Variants in PTPN5 observed in about 807,000 individuals in gnomAD.
The protein encoded by PTPN5 is protein tyrosine phosphatase non-receptor type 5, also known as tyrosine-protein phosphatase non-receptor type 5.
A neutral mutation model predicts 73.9 loss-of-function variants in PTPN5; 29 were observed. That is an observed-to-expected ratio of 0.39 (90% CI 0.29 to 0.54). The LOEUF is 0.54. Ranked by LOEUF, PTPN5 falls within the 20% of genes least tolerant of loss-of-function variation. PTPN5 has a pLI of 0.65. For missense variants in PTPN5, 652 were observed against 751.4 expected (o/e 0.87, Z 1.55); for synonymous variants, 267 against 304.7 (o/e 0.88, Z 1.29).
chr11:18,735,381 C>T (rs1273901547), intron 9 of PTPN5, among the ~76,000 whole-genome samples: 2 of 151,996 alleles, frequency 1.3e-5, no homozygotes, highest in Non-Finnish European at 2.9e-5. Flanking sequence ...GCAGGAAGCT[C>T]TGTATGGGCC....
chr11:18,755,256 G>A (rs1979049), intron 3 of PTPN5, among the ~76,000 whole-genome samples: 8 of 152,208 alleles, frequency 5.3e-5, no homozygotes, highest in African/African-American at 1.9e-4. Flanking sequence ...GGATTCTTCA[G>A]CCACAGTCGA....
chr11:18,775,207 C>T (rs1252809625), intron 1 of PTPN5, among the ~76,000 whole-genome samples: 2 of 152,252 alleles, frequency 1.3e-5, no homozygotes, highest in African/African-American at 4.8e-5. Flanking sequence ...GCCCACATTC[C>T]TAACCTCTCT....
intron 3 of PTPN5, among the ~76,000 whole-genome samples, chr11:18,751,529 T>C (rs994199798): frequency 1.3e-5 from 2 of 152,038 alleles, no homozygotes; most frequent in Non-Finnish European, 2.9e-5. Context: ...TGCTCATCAG[T>C]GAGCAACACG....
intron 1 of PTPN5, among the ~76,000 whole-genome samples, chr11:18,772,823 G>A: frequency 6.6e-6 from 1 of 152,070 alleles, no homozygotes; most frequent in East Asian, 1.9e-4. Flanking sequence ...GGGGGATGTA[G>A]GTAAGAAGAA....
chr11:18,757,931 C>T (rs2134274051), intron 3 of PTPN5, among the ~76,000 whole-genome samples: 1 of 152,296 alleles, frequency 6.6e-6, no homozygotes, highest in East Asian at 1.9e-4. Flanking sequence ...GGACTGCACA[C>T]AGCTGTGCTC....
chr11:18,746,882 AGGTCTCTG>A (rs1849667889), intron 3 of PTPN5, among the ~76,000 whole-genome samples: 1 of 152,198 alleles, frequency 6.6e-6, no homozygotes, highest in African/African-American at 2.4e-5. Context: ...TCAAGGGGCA[AGGTCTCTG>A]CCCACACACA....
At chr11:18,781,821 A>C (rs763475381) in intron 1 of PTPN5, among the ~76,000 whole-genome samples, 12 of 152,176 alleles carry the variant, frequency 7.9e-5, no homozygotes, top group Non-Finnish European at 1.6e-4. Flanking sequence ...GAAATGCATT[A>C]AAGGCCCACT....
intron 1 of PTPN5, among the ~76,000 whole-genome samples, chr11:18,786,640 T>G (rs561056764): frequency 2.2e-4 from 33 of 152,324 alleles, no homozygotes; most frequent in African/African-American, 7.7e-4. Context: ...GTTTCTACCT[T>G]CTACATATGA....
In PTPN5 at chr11:18,742,323, C is replaced by A; in HGVS notation, c.664G>T (p.Asp222Tyr). Residue 222 changes from aspartate to tyrosine, a missense_variant, in exon 7 of 15, where the codon GAC becomes TAC. Physicochemically the swap from Asp to Tyr is radical, Grantham distance 160. Around this residue, in one of 3 missense-constraint regions of PTPN5, gnomAD observed 529 missense variants for 573.9 expected, o/e 0.92. Transcript: ENST00000358540. This position sits in a 1 kb window ranked among gnomAD's most constrained non-coding sequence, Gnocchi z 4.1. ...PETPVFDCVM[D>Y]IKPEADPTSL... The stretch of plus-strand genomic sequence containing the variant: ...GTGGGGTCAGCCTCAGGCTTGATGT[C>A]CATCACACAATCAAACACAGGAGTC... 1.2e-6 allele frequency: 2 copies of A among 1,614,146 alleles called. No individual in the cohort carries two copies. The highest frequency in any genetic ancestry group is 1.7e-6 in the Non-Finnish European group (2 of 1,180,032).
chr11:18,735,680 G>T (rs1030974453), intron 9 of PTPN5, among the ~76,000 whole-genome samples: 1 of 151,326 alleles, frequency 6.6e-6, no homozygotes, highest in African/African-American at 2.4e-5. Context: ...GCCAGAAATT[G>T]CTTGAACCCA....
At chr11:18,765,978 T>C in intron 2 of PTPN5, 95 bp from the exon 3 acceptor site, 1 of 904,178 alleles carries the variant, frequency 1.1e-6, no homozygotes, top group Non-Finnish European at 1.8e-6. Context: ...TCCTGTATTC[T>C]GTATCCCTTT....
At chr11:18,748,430 A>C (rs1345497181) in intron 3 of PTPN5, among the ~76,000 whole-genome samples, 2 of 152,190 alleles carry the variant, frequency 1.3e-5, no homozygotes, top group African/African-American at 4.8e-5. Context: ...GTCACCTGGC[A>C]GCCCTGGGGA....
rs1435864929 is a variant in PTPN5 at position 18,729,033 on chromosome 11, C to T, written c.1605-6G>A. 5.6e-6 allele frequency: 9 copies of T among 1,613,238 alleles called. No individual in the cohort carries two copies. Among genetic ancestry groups the T allele is most frequent in the Admixed American group, 3.3e-5 (2 of 59,876 alleles). On this transcript the variant is annotated splice_region_variant and splice_polypyrimidine_tract_variant and intron_variant, in intron 14 of 14. Coordinates refer to ENST00000358540, the MANE Select transcript of PTPN5 (RefSeq NM_006906.2). The surrounding 1 kb of genome is among the most constrained non-coding windows in gnomAD (Gnocchi z 5.2). ...ATGTCTGGATCATGCCGCCCCTGCCCGGCAGAGATGCACAGTGGGGGCAGG... is the reference window on the plus strand; with the variant it reads ...ATGTCTGGATCATGCCGCCCCTGCCTGGCAGAGATGCACAGTGGGGGCAGG...
Position 18,744,079 on chromosome 11 carries a change from G to A in PTPN5, c.218C>T (p.Pro73Leu). Residue 73 changes from proline to leucine, a missense_variant, in exon 4 of 15, where the codon CCA (proline) becomes CTA (leucine). Coordinates refer to ENST00000358540, the MANE Select transcript of PTPN5 (RefSeq NM_006906.2). ...GGAGTGGCTCCCAGCGCCTCGAGGT[G>A]GTGGCTTCTGAGCTGGATCTGAGGG... Reference protein sequence around the residue: ...SPPSDPAQKPPPRGAGSHSLT... With the variant: ...SPPSDPAQKPLPRGAGSHSLT... 2 of 1,610,740 alleles carry A rather than the reference G, an allele frequency of 1.2e-6. No individual in the cohort carries two copies. The highest frequency in any genetic ancestry group is 1.7e-6 in the Non-Finnish European group (2 of 1,178,584).
intron 3 of PTPN5, among the ~76,000 whole-genome samples, chr11:18,752,008 A>C (rs1373647428): frequency 6.6e-6 from 1 of 152,174 alleles, no homozygotes; most frequent in Non-Finnish European, 1.5e-5. Flanking sequence ...AGGCAGGTGG[A>C]TCACATGAGG....
chr11:18,749,832 C>G (rs1187728282), intron 3 of PTPN5, among the ~76,000 whole-genome samples: 1 of 152,222 alleles, frequency 6.6e-6, no homozygotes, highest in East Asian at 1.9e-4. Context: ...GTGACTCATT[C>G]TTTGAGCTCC....
At chr11:18,782,915 C>T (rs1027314168) in intron 1 of PTPN5, among the ~76,000 whole-genome samples, 5 of 152,194 alleles carry the variant, frequency 3.3e-5, no homozygotes, top group Admixed American at 2.0e-4. Context: ...TTGAGAAATA[C>T]GGCTGCAAGC....
chr11:18,750,504 G>A (rs1192161854), intron 3 of PTPN5, among the ~76,000 whole-genome samples: 1 of 152,130 alleles, frequency 6.6e-6, no homozygotes, highest in African/African-American at 2.4e-5. Flanking sequence ...GGGCTCCATG[G>A]CCTGTCAACT....
intron 3 of PTPN5, among the ~76,000 whole-genome samples, chr11:18,751,372 A>G (rs989238757): frequency 6.6e-6 from 1 of 152,208 alleles, no homozygotes; most frequent in African/African-American, 2.4e-5. Flanking sequence ...TTCAACCTCA[A>G]CACTGACCGA....
Sources: gnomAD v4.1 joint callset for allele counts (sites outside exome capture counted in the v4.1 genomes callset) on GRCh38, gnomAD v4.1.1 for gene constraint, gnomAD v4.1.1 regional missense constraint, Gnocchi (gnomAD v3.1) non-coding constraint, MANE v1.5 for transcripts, NCBI Gene and HGNC (gene_info 2026-07-23, HGNC 2026-07-21) for gene names.